CEP68: variants seen among roughly 807,000 people sequenced by gnomAD.
CEP68 encodes the protein centrosomal protein of 68 kDa.
CEP68 carries 26 observed loss-of-function variants against 55.3 expected under a neutral mutation model. The ratio of observed to expected loss-of-function variants is 0.47; its 90% CI spans 0.34 to 0.65. The LOEUF (loss-of-function observed/expected upper bound fraction) is 0.65, where lower values mean the gene tolerates loss of function less well. Ranked by LOEUF, CEP68 falls within the 30% of genes least tolerant of loss-of-function variation. The pLI is 0.01. For missense variants in CEP68, 957 were observed against 946.7 expected (o/e 1.01, Z -0.14); for synonymous variants, 402 against 383.2 (o/e 1.05, Z -0.57).
chr2:65,064,973 TC>T, intron 1 of CEP68, among the ~76,000 whole-genome samples: 1 of 152,294 alleles, frequency 6.6e-6, no homozygotes, highest in East Asian at 1.9e-4. Flanking sequence ...CCTCCACCAG[TC>T]TTCTCTCTCT....
intron 5 of CEP68, among the ~76,000 whole-genome samples, chr2:65,080,813 C>T (rs1398431656): frequency 2.0e-5 from 3 of 151,824 alleles, no homozygotes; most frequent in Non-Finnish European, 4.4e-5. Context: ...AGTAAGACTC[C>T]GTCTCAAAAT....
chr2:65,078,036 T>C (rs1676842776), intron 5 of CEP68, 72 bp downstream of exon 5: 4 of 1,157,848 alleles, frequency 3.5e-6, no homozygotes, highest in East Asian at 4.8e-5. Flanking sequence ...GACCGCACTA[T>C]CCCTGGTAAG....
intron 4 of CEP68, 162 bp downstream of exon 4, chr2:65,074,566 C>G (rs765809646): frequency 9.6e-7 from 1 of 1,037,852 alleles, no homozygotes; most frequent in Non-Finnish European, 1.5e-6. Flanking sequence ...AAGCGGAACG[C>G]TTTGTAAAAT....
intron 4 of CEP68, 101 bp from the exon 5 acceptor site, chr2:65,077,767 A>G: frequency 2.6e-6 from 2 of 772,272 alleles, no homozygotes; most frequent in Non-Finnish European, 4.3e-6. Flanking sequence ...CTTACACATT[A>G]GAGGGGAATA....
At chr2:65,081,771 C>T (rs1178860971) in intron 5 of CEP68, among the ~76,000 whole-genome samples, 1 of 152,198 alleles carries the variant, frequency 6.6e-6, no homozygotes, top group Non-Finnish European at 1.5e-5. Flanking sequence ...AGTCTTGGCT[C>T]ACCACAACCT....
chr2:65,060,664 A>G (rs1675868684), intron 1 of CEP68, among the ~76,000 whole-genome samples: 1 of 152,236 alleles, frequency 6.6e-6, no homozygotes, highest in African/African-American at 2.4e-5. Context: ...CTCTTCTGAC[A>G]GTGACTTTTG....
rs1460793083 is a variant in CEP68, at chr2:65,071,722, G to A, written c.626G>A (p.Gly209Asp). Residue 209 changes from glycine to aspartate, a missense_variant, in exon 3 of 7, where the codon GGT becomes GAT. Transcript: ENST00000377990. ...SASSTGSSLQ[G>D]HQERAEPRGG... The stretch of plus-strand genomic sequence containing the variant: ...TCCTCCACAGGCAGCAGTCTCCAGG[G>A]TCACCAGGAGAGGGCGGAGCCTCGT... 6.2e-7 allele frequency: 1 copy of A among 1,614,034 alleles called. No individual in the cohort carries two copies. The highest frequency in any genetic ancestry group is 1.7e-5 in the Admixed American group (1 of 60,024).
At chr2:65,060,925 C>G (rs1675883164) in intron 1 of CEP68, among the ~76,000 whole-genome samples, 1 of 152,160 alleles carries the variant, frequency 6.6e-6, no homozygotes, top group African/African-American at 2.4e-5. Flanking sequence ...GCCTGTAATC[C>G]CAGCACTTTG....
intron 4 of CEP68, among the ~76,000 whole-genome samples, chr2:65,076,581 G>A (rs1032539802): frequency 2.0e-5 from 3 of 152,132 alleles, no homozygotes; most frequent in East Asian, 1.9e-4. Context: ...ATAAGCGAGC[G>A]TGTCTGTGTT....
chr2:65,065,383 C>T (rs1214151546), intron 1 of CEP68, among the ~76,000 whole-genome samples: 19 of 152,236 alleles, frequency 1.2e-4, no homozygotes, highest in Admixed American at 1.2e-3. Context: ...TGCGTCCTTA[C>T]ACCAGAATAC....
intron 1 of CEP68, among the ~76,000 whole-genome samples, chr2:65,066,926 T>G (rs1383274014): frequency 6.7e-6 from 1 of 148,918 alleles, no homozygotes; most frequent in Non-Finnish European, 1.5e-5. Context: ...AGAGTGAGAC[T>G]CTGTCTCAAA....
chr2:65,081,695 T>G (rs1227500510), intron 5 of CEP68, among the ~76,000 whole-genome samples: 1 of 130,002 alleles, frequency 7.7e-6, no homozygotes, highest in East Asian at 3.3e-4. Flanking sequence ...CGGGTCATTT[T>G]TTTGTTTTGT....
At position 65,071,414 on chromosome 2, in the gene CEP68, A is replaced by G. The variant is rs762034970; in HGVS notation, c.358-40A>G. ...TCATCTAAGAAAGAAATTGGGTTTG[A>G]TTTTTACCCAAGTGCTTTTTGTCCC... On this transcript the variant is annotated intron_variant, in intron 2 of 6. Coordinates refer to ENST00000377990, the MANE Select transcript of CEP68 (RefSeq NM_015147.3). 13 of 1,554,292 alleles carry G rather than the reference A, an allele frequency of 8.4e-6. No homozygotes were observed. In the African/African-American group the frequency reaches 1.8e-4, roughly 21 times the overall value.
At chr2:65,058,158 T>G (rs1675737179) in intron 1 of CEP68, among the ~76,000 whole-genome samples, 2 of 152,160 alleles carry the variant, frequency 1.3e-5, no homozygotes, top group South Asian at 4.1e-4. Flanking sequence ...CAATATGAAA[T>G]ATCTGTATAG....
At chr2:65,082,759 C>T (rs1217709694) in intron 6 of CEP68, 50 bp downstream of exon 6, 2 of 1,423,744 alleles carry the variant, frequency 1.4e-6, no homozygotes, top group Non-Finnish European at 1.9e-6. Flanking sequence ...CCTGCTGTAA[C>T]AGTTGGCCAC....
chr2:65,063,010 C>T (rs1675987320), intron 1 of CEP68, among the ~76,000 whole-genome samples: 2 of 152,154 alleles, frequency 1.3e-5, no homozygotes, highest in South Asian at 2.1e-4. Flanking sequence ...GGAGGAAGCC[C>T]GGCAGCTGTG....
intron 3 of CEP68, chr2:65,073,250 A>G: frequency 2.1e-6 from 1 of 487,450 alleles, no homozygotes; most frequent in East Asian, 4.2e-5. Context: ...ACCCAGGTAG[A>G]CTATTTGCAG....
chr2:65,069,001 C>T (rs895087371), intron 1 of CEP68, among the ~76,000 whole-genome samples: 9 of 152,038 alleles, frequency 5.9e-5, no homozygotes, highest in African/African-American at 2.2e-4. Flanking sequence ...CTGAGGGGAC[C>T]GTTACGACAA....
chr2:65,064,154 C>T (rs1012239714), intron 1 of CEP68, among the ~76,000 whole-genome samples: 2 of 152,200 alleles, frequency 1.3e-5, no homozygotes, highest in African/African-American at 4.8e-5. Flanking sequence ...GGCCACACTA[C>T]TAACCTAGTT....
Sources: allele counts gnomAD v4.1 joint callset (sites outside exome capture counted in the v4.1 genomes callset), GRCh38; gene constraint gnomAD v4.1.1; transcripts MANE v1.5; gene names NCBI Gene and HGNC (gene_info 2026-07-23, HGNC 2026-07-21).